The following SPTB variants were observed in gnomAD, a reference collection of about 807,000 sequenced individuals.
SPTB encodes the protein spectrin beta, erythrocytic, also known as spectrin beta chain, erythrocytic.
A neutral mutation model predicts 256.2 loss-of-function variants in SPTB; 45 were observed. The ratio of observed to expected loss-of-function variants is 0.18; its 90% CI spans 0.14 to 0.23. The LOEUF is 0.23. Among genes scored for constraint, SPTB ranks in the 10% least tolerant of loss-of-function variants. The pLI is 1.00. For missense variants in SPTB, 2,715 were observed against 3,040.4 expected (o/e 0.89, Z 2.52); for synonymous variants, 1,231 against 1,243.1 (o/e 0.99, Z 0.21).
rs2083813562 is a variant in SPTB at position 64,853,175 on chromosome 14, G to T, written c.-52+26617C>A. On this transcript the variant is annotated intron_variant, in intron 1 of 35. Transcript: ENST00000644917. The surrounding 1 kb of genome is among the most constrained non-coding windows in gnomAD (Gnocchi z 4.3). ...TCCCATGGGATATCTGGGTGGAAAT[G>T]CTTAACCTGAGGCTGGGTACCCAAG... Among the ~76,000 whole-genome samples, 1 of 152,204 alleles carries T rather than the reference G, an allele frequency of 6.6e-6. No homozygotes were observed. Among genetic ancestry groups the T allele is most frequent in the South Asian group, 2.1e-4 (1 of 4,826 alleles).
At position 64,862,555 on chromosome 14, in the gene SPTB, G is replaced by T. The variant is rs867274622; in HGVS notation, c.-52+17237C>A. The stretch of plus-strand genomic sequence containing the variant: ...GAATTATTCTTAATTTTGATTATAT[G>T]ATCTTAATTTTGTGTCCACTGGCAC... On this transcript the variant is annotated intron_variant, in intron 1 of 35. Coordinates refer to ENST00000644917, the MANE Select transcript of SPTB (RefSeq NM_001355436.2). Among the ~76,000 whole-genome samples, 4 of 152,100 alleles carry T rather than the reference G, an allele frequency of 2.6e-5. No homozygotes were observed. In the Middle Eastern group the frequency reaches 0.01, roughly 388 times the overall value.
At chr14:64,810,603 T>C (rs1195478527) in intron 2 of SPTB, among the ~76,000 whole-genome samples, 1 of 152,044 alleles carries the variant, frequency 6.6e-6, no homozygotes, top group Non-Finnish European at 1.5e-5. Context: ...TCGCTTGAAC[T>C]TGGGAGTTGA....
At chr14:64,846,032 T>C (rs963377282) in intron 1 of SPTB, among the ~76,000 whole-genome samples, 4 of 152,226 alleles carry the variant, frequency 2.6e-5, no homozygotes, top group African/African-American at 9.6e-5. Flanking sequence ...CACAGCCTAA[T>C]GCACCCAGTG....
At chr14:64,861,845 G>A (rs913035931) in intron 1 of SPTB, among the ~76,000 whole-genome samples, 2 of 152,104 alleles carry the variant, frequency 1.3e-5, no homozygotes, top group South Asian at 2.1e-4. Flanking sequence ...ACTCCTTTCC[G>A]ACGTTAGACA....
rs2081879502 is a variant in SPTB, at chr14:64,748,246, TC to T, written c.*1059del. 1 of 149,630 alleles carries T rather than the reference TC, an allele frequency of 6.7e-6. No individual in the cohort carries two copies. Among genetic ancestry groups the T allele is most frequent in the Non-Finnish European group, 1.5e-5 (1 of 67,992 alleles). 9.3% of individuals were successfully genotyped at this position (149,630 alleles called of 1,614,324 possible). On this transcript the variant is annotated 3_prime_UTR_variant, in exon 36 of 36. Transcript: ENST00000644917. ...TCTGCCCAGCCATTACCCTCCAAAG[TC>T]CCAGCTGCAGACAGGATGCAATTGA... is the stretch of plus-strand genomic sequence containing the variant.
rs1440851817 is a variant in SPTB at position 64,767,259 on chromosome 14, C to G, written c.6269+44G>C. 1.9e-6 allele frequency: 3 copies of G among 1,612,544 alleles called. No homozygotes were observed. In the African/African-American group the frequency reaches 4.0e-5, roughly 22 times the overall value. On this transcript the variant is annotated intron_variant, in intron 31 of 35. Transcript: ENST00000644917. ...TGATGAAAGGCACCCCCTACTCCCA[C>G]TTGGCAGAGCATTCAGCTCCCTGGA...
At position 64,752,214 on chromosome 14, in the gene SPTB, T is replaced by C. The variant is rs542649283; in HGVS notation, c.6602+1323A>G. 4 of 1,348,604 alleles carry C rather than the reference T, an allele frequency of 3.0e-6. No individual in the cohort carries two copies. In the African/African-American group the frequency reaches 5.9e-5, roughly 20 times the overall value. The allele number at this position is 1,348,604 out of a possible 1,614,324, so 83.5% of individuals were successfully genotyped here. ...TAGCCCGAGCCGCTTCACTCACACG[T>C]GGGAAGCATGTTGCTGCATTTCTAC... On this transcript the variant is annotated intron_variant, in intron 33 of 35. Coordinates refer to ENST00000644917, the MANE Select transcript of SPTB (RefSeq NM_001355436.2).
At position 64,816,470 on chromosome 14, in the gene SPTB, A is replaced by C. The variant is rs1306362681; in HGVS notation, c.148+6477T>G. Among the ~76,000 whole-genome samples, 2 of 152,108 alleles carry C rather than the reference A, an allele frequency of 1.3e-5. No individual in the cohort carries two copies. Among genetic ancestry groups the C allele is most frequent in the Non-Finnish European group, 2.9e-5 (2 of 68,008 alleles). ...CCACCAACCCTGCACTCTGACTCAA[A>C]CATGCTTATCCCCTGAACTGAGAGC... On this transcript the variant is annotated intron_variant, in intron 2 of 35. Coordinates refer to ENST00000644917, the MANE Select transcript of SPTB (RefSeq NM_001355436.2). The surrounding 1 kb of genome is among the most constrained non-coding windows in gnomAD (Gnocchi z 4.2).
Position 64,749,579 on chromosome 14 carries a change from C to G in SPTB, c.6819+75G>C. ...TTGGGACTGCCCCTTCTGAGGGGGCCTCCAGGGCAAGCGGCCTGGGGTCCT... is the reference window on the plus strand; with the variant it reads ...TTGGGACTGCCCCTTCTGAGGGGGCGTCCAGGGCAAGCGGCCTGGGGTCCT... On this transcript the variant is annotated intron_variant, in intron 35 of 35. Transcript: ENST00000644917. The surrounding 1 kb of genome is among the most constrained non-coding windows in gnomAD (Gnocchi z 4.7). The G allele has an allele frequency of 6.2e-7, 1 of 1,607,922 alleles. No individual in the cohort carries two copies. The highest frequency in any genetic ancestry group is 8.5e-7 in the Non-Finnish European group (1 of 1,179,186).
At chr14:64,820,146 C>T (rs2083263029) in intron 2 of SPTB, among the ~76,000 whole-genome samples, 1 of 152,156 alleles carries the variant, frequency 6.6e-6, no homozygotes, top group South Asian at 2.1e-4. Context: ...CAACTCAGGG[C>T]TGAATCCCCT....
chr14:64,784,038 A>C (rs229635), intron 19 of SPTB, among the ~76,000 whole-genome samples: 2 of 152,154 alleles, frequency 1.3e-5, no homozygotes, highest in East Asian at 1.9e-4. Context: ...GATTCAGGTG[A>C]CCCAGAAGAG....
At chr14:64,752,393 C>T (rs2081965556) in intron 33 of SPTB, 2 of 598,578 alleles carry the variant, frequency 3.3e-6, no homozygotes, top group Admixed American at 5.6e-5. Context: ...GAGAAACTGA[C>T]CCATACAAAG....
In SPTB at chr14:64,750,130, C is replaced by T; in HGVS notation, c.6627G>A (p.Val2209=). Residue 2209 remains valine (V), a synonymous_variant, in exon 34 of 36, where the codon GTG becomes GTA. Transcript: ENST00000644917. ...AGAAGGTTAGCTCACTGTTCCTGAGCACACAGTACAGGTTGTTCCAGGACC... is the reference window on the plus strand; with the variant it reads ...AGAAGGTTAGCTCACTGTTCCTGAGTACACAGTACAGGTTGTTCCAGGACC... The part of the protein sequence containing the change: ...SNRSWNNLYC[V]LRNSELTFYK... 6.2e-7 allele frequency: 1 copy of T among 1,614,106 alleles called. No homozygotes were observed. Among genetic ancestry groups the T allele is most frequent in the South Asian group, 1.1e-5 (1 of 91,084 alleles).
In SPTB at chr14:64,748,358, T is replaced by G. The variant is rs1369062140; in HGVS notation, c.*948A>C. ...CCCACACTGTCCCGTAGGGGGCCTATGTCTGTTGGATATTGCTGGTTTGGC... is the reference window on the plus strand; with the variant it reads ...CCCACACTGTCCCGTAGGGGGCCTAGGTCTGTTGGATATTGCTGGTTTGGC... On this transcript the variant is annotated 3_prime_UTR_variant, in exon 36 of 36. Coordinates refer to ENST00000644917, the MANE Select transcript of SPTB (RefSeq NM_001355436.2). 1 of 152,244 alleles carries G rather than the reference T, an allele frequency of 6.6e-6. No homozygotes were observed. Among genetic ancestry groups the G allele is most frequent in the Non-Finnish European group, 1.5e-5 (1 of 68,082 alleles). 9.4% of individuals were successfully genotyped at this position (152,244 alleles called of 1,614,324 possible). A position where few individuals can be genotyped will look rare whatever the true frequency, so the allele number is the denominator to read the frequency against.
At chr14:64,872,237 A>G (rs769715005) in intron 1 of SPTB, among the ~76,000 whole-genome samples, 27 of 152,198 alleles carry the variant, frequency 1.8e-4, no homozygotes, top group Non-Finnish European at 3.5e-4. Flanking sequence ...CAGGCCAAAA[A>G]CAATGGAATC....
At chr14:64,837,705 G>T (rs4384522) in intron 1 of SPTB, among the ~76,000 whole-genome samples, 1 of 152,020 alleles carries the variant, frequency 6.6e-6, no homozygotes, top group Non-Finnish European at 1.5e-5. Context: ...AGGTTCAAGC[G>T]ATTCTCCTGC....
At chr14:64,752,545 G>A (rs1444873203) in intron 33 of SPTB, among the ~76,000 whole-genome samples, 1 of 152,192 alleles carries the variant, frequency 6.6e-6, no homozygotes, top group African/African-American at 2.4e-5. Context: ...ACCTTTCCGA[G>A]ACTCTGTTAT....
Position 64,758,042 on chromosome 14 carries a change from G to A in SPTB, c.6346-4249C>T, listed in dbSNP as rs997760473. ...GAAGGGAGAGAACCTTCCTGACTCA[G>A]TTAGTGGGAGTGAGCCCATGACCTA... On this transcript the variant is annotated intron_variant, in intron 32 of 35. Coordinates refer to ENST00000644917, the MANE Select transcript of SPTB (RefSeq NM_001355436.2). This position sits in a 1 kb window ranked among gnomAD's most constrained non-coding sequence, Gnocchi z 4.6. 4.6e-5 allele frequency among the ~76,000 whole-genome samples: 7 copies of A among 152,250 alleles called. No homozygotes were observed. The highest frequency in any genetic ancestry group is 1.0e-4 in the Non-Finnish European group (7 of 68,046).
At chr14:64,754,885 C>T (rs1009786817) in intron 32 of SPTB, 1 of 152,588 alleles carries the variant, frequency 6.6e-6, no homozygotes, top group Non-Finnish European at 1.5e-5. Context: ...CTCCCATTGC[C>T]AGGTGGGGCA....
Sources: gnomAD v4.1 joint callset for allele counts (sites outside exome capture counted in the v4.1 genomes callset) on GRCh38, gnomAD v4.1.1 for gene constraint, Gnocchi (gnomAD v3.1) non-coding constraint, MANE v1.5 for transcripts, NCBI Gene and HGNC (gene_info 2026-07-23, HGNC 2026-07-21) for gene names.